MYH16: variants seen among roughly 807,000 people sequenced by gnomAD.
The protein encoded by MYH16 is myosin heavy chain 16, also known as putative uncharacterized protein MYH16.
At position 99,278,477 on chromosome 7, in the gene MYH16, C is replaced by T. The variant is rs563667070; in HGVS notation, n.2659+765C>T. Among the ~76,000 whole-genome samples the T allele has an allele frequency of 1.9e-4, 29 of 152,302 alleles. No homozygotes were observed. The South Asian group carries it at 2.5e-3, about 13-fold the overall frequency. ...AATAAACGATGTCATTTCTGTAGGG[C>T]GCCTGACTAAATGTCCTGCAGTGAA... On this transcript the variant is annotated intron_variant and non_coding_transcript_variant, in intron 21 of 41. Coordinates refer to ENST00000439784, the Ensembl canonical transcript of MYH16.
chr7:99,250,521 G>A (rs995173080), intron 5 of MYH16, among the ~76,000 whole-genome samples: 4 of 152,088 alleles, frequency 2.6e-5, no homozygotes, highest in Non-Finnish European at 5.9e-5. Context: ...TGGGAGGGTC[G>A]CTTGAGTCCC....
At chr7:99,241,788 G>T (rs893525597) in intron 1 of MYH16, among the ~76,000 whole-genome samples, 1 of 151,796 alleles carries the variant, frequency 6.6e-6, no homozygotes, top group Non-Finnish European at 1.5e-5. Context: ...CAGCCAAAAG[G>T]TATTTGTTTT....
chr7:99,269,743 C>T (rs1792025271), intron 18 of MYH16, among the ~76,000 whole-genome samples: 1 of 152,158 alleles, frequency 6.6e-6, no homozygotes, highest in Non-Finnish European at 1.5e-5. Context: ...TGGTACGTGA[C>T]ATTGTCACTG....
chr7:99,288,761 T>C (rs1792324047), intron 29 of MYH16, among the ~76,000 whole-genome samples: 1 of 151,886 alleles, frequency 6.6e-6, no homozygotes, highest in South Asian at 2.1e-4. Context: ...ATGAAGATGA[T>C]TGTCATAATC....
intron 18 of MYH16, among the ~76,000 whole-genome samples, chr7:99,269,865 CTTTTTTTTTTTTT>C (rs983455403): frequency 3.7e-5 from 4 of 107,708 alleles, no homozygotes; most frequent in South Asian, 6.6e-4. Context: ...TCTGGGGACA[CTTTTTTTTTTTTT>C]TTTTTTTTTT....
At chr7:99,249,504 A>G (rs188253644) in intron 4 of MYH16, among the ~76,000 whole-genome samples, 1,778 of 140,262 alleles carry the variant, frequency 0.013, 43 homozygotes, top group African/African-American at 0.047. Flanking sequence ...ACACCACTGC[A>G]CTCCAGCCTG....
intron 30 of MYH16, 63 bp downstream of exon 11, chr7:99,289,467 A>T (rs897753108): frequency 1.2e-5 from 3 of 252,640 alleles, no homozygotes; most frequent in African/African-American, 6.9e-5. Flanking sequence ...GGGATTCTCA[A>T]GGAAACAGAG....
chr7:99,293,298 G>A (rs1236887339), intron 32 of MYH16, among the ~76,000 whole-genome samples: 1 of 152,168 alleles, frequency 6.6e-6, no homozygotes, highest in Non-Finnish European at 1.5e-5. Context: ...CTGCTGGCTG[G>A]TCCCATCCAT....
chr7:99,265,733 G>A (rs1791980635), intron 17 of MYH16: 1 of 152,860 alleles, frequency 6.5e-6, no homozygotes, highest in Non-Finnish European at 1.5e-5. Flanking sequence ...CCCAGGAGTT[G>A]ACCAGCTGAT....
chr7:99,287,250 C>T (rs145837993), intron 28 of MYH16, among the ~76,000 whole-genome samples: 38 of 151,388 alleles, frequency 2.5e-4, no homozygotes, highest in African/African-American at 8.5e-4. Flanking sequence ...TGTGAGAGTC[C>T]GGCCGGGCAC....
chr7:99,291,476 G>A (rs1423910349), intron 31 of MYH16, 26 bp downstream of exon 12: 4 of 455,846 alleles, frequency 8.8e-6, no homozygotes, highest in East Asian at 7.0e-5. Flanking sequence ...GGGTTGCGGT[G>A]GAGACAGAGC....
At chr7:99,263,571 G>A (rs1456332632) in intron 14 of MYH16, 1 of 152,486 alleles carries the variant, frequency 6.6e-6, no homozygotes, top group East Asian at 1.9e-4. Context: ...GAATAAGTGA[G>A]TGAGTAAGTG....
chr7:99,298,169 G>A (rs1187369847), intron 36 of MYH16, among the ~76,000 whole-genome samples, 174 bp downstream of exon 17: 1 of 151,884 alleles, frequency 6.6e-6, no homozygotes, highest in Non-Finnish European at 1.5e-5. Flanking sequence ...TCACACTACC[G>A]TGTCTAGTTT....
intron 2 of MYH16, among the ~76,000 whole-genome samples, chr7:99,246,766 G>T (rs1791736975): frequency 6.6e-6 from 1 of 151,934 alleles, no homozygotes; most frequent in Non-Finnish European, 1.5e-5. Flanking sequence ...GCATTTACCT[G>T]TGGTGAGGGT....
At chr7:99,275,097 G>A (rs924127040) in intron 20 of MYH16, among the ~76,000 whole-genome samples, 8 of 152,084 alleles carry the variant, frequency 5.3e-5, no homozygotes, top group African/African-American at 1.9e-4. Context: ...GGGCTCAAGC[G>A]ATCCTTCCAC....
chr7:99,310,575 T>G (rs948617402), downstream of MYH16, among the ~76,000 whole-genome samples: 4 of 152,078 alleles, frequency 2.6e-5, no homozygotes, highest in African/African-American at 9.7e-5. Flanking sequence ...TAGGTATAAC[T>G]CAACAGTATC....
intron 23 of MYH16, among the ~76,000 whole-genome samples, chr7:99,282,467 ATTTT>A (rs58102151): frequency 0.11 from 17,037 of 151,104 alleles, 1,418 homozygotes; most frequent in African/African-American, 0.24. Context: ...ATAACATTTT[ATTTT>A]TTTTTATTTT....
intron 2 of MYH16, among the ~76,000 whole-genome samples, chr7:99,244,873 C>A (rs1326062482): frequency 1.3e-5 from 2 of 152,192 alleles, no homozygotes; most frequent in Non-Finnish European, 2.9e-5. Context: ...AGCCCTTGTT[C>A]CTCCTGGGTG....
At chr7:99,294,518 A>AAAAAAAG (rs1185491765) in intron 33 of MYH16, among the ~76,000 whole-genome samples, 57 of 134,530 alleles carry the variant, frequency 4.2e-4, no homozygotes, top group African/African-American at 1.7e-3. Context: ...AAAAAAAAAA[A>AAAAAAAG]AAAAAAGAAA....
Sources: allele counts gnomAD v4.1 joint callset (sites outside exome capture counted in the v4.1 genomes callset), GRCh38; gene constraint gnomAD v4.1.1; transcripts MANE v1.5; gene names NCBI Gene and HGNC (gene_info 2026-07-23, HGNC 2026-07-21).